The following ARMC12 variants were observed in gnomAD, a reference collection of about 807,000 sequenced individuals.
The protein encoded by ARMC12 is armadillo repeat-containing protein 12.
A neutral mutation model predicts 37.4 loss-of-function variants in ARMC12; 25 were observed. The ratio of observed to expected loss-of-function variants is 0.67; its 90% CI spans 0.49 to 0.93. The LOEUF (loss-of-function observed/expected upper bound fraction) is 0.93. Among genes scored for constraint, ARMC12 ranks in the 40% least tolerant of loss-of-function variants. The probability of loss-of-function intolerance (pLI) is 0.00; values close to 1 mark genes in which losing one functional copy is unlikely to be tolerated. For synonymous variants in ARMC12, 167 were observed against 176.1 expected, an observed-to-expected ratio of 0.95 and a Z score of 0.41; for missense variants, 384 against 426.6, an observed-to-expected ratio of 0.90 and a Z score of 0.88.
the ARMC12 span, among the ~76,000 whole-genome samples, chr6:35,731,962 G>T: frequency 1.3e-4 from 20 of 152,198 alleles, no homozygotes; most frequent in Non-Finnish European, 2.2e-4. Context: ...CGGCGGGAGT[G>T]GGGGAGGGGA....
chr6:35,744,877 A>T (rs1035086209), intron 3 of ARMC12, among the ~76,000 whole-genome samples: 2 of 152,250 alleles, frequency 1.3e-5, no homozygotes, highest in Admixed American at 1.3e-4. Context: ...ACCATGTTTA[A>T]TATCACCAGC....
chr6:35,737,434 C>A, intron 1 of ARMC12, 163 bp downstream of exon 1: 2 of 1,576,740 alleles, frequency 1.3e-6, no homozygotes, highest in Non-Finnish European at 1.7e-6. Context: ...CTAGGCAAGG[C>A]CCTGCCAGAG....
chr6:35,733,514 GGTTT>G (rs1452632952), upstream of ARMC12, among the ~76,000 whole-genome samples: 4 of 152,136 alleles, frequency 2.6e-5, no homozygotes, highest in Admixed American at 6.5e-5. Flanking sequence ...TGACTAAACT[GGTTT>G]GTTTGTTTTG....
intron 3 of ARMC12, among the ~76,000 whole-genome samples, chr6:35,743,894 G>A (rs2766544): frequency 0.52 from 77,498 of 149,438 alleles, 20,247 homozygotes; most frequent in African/African-American, 0.58. Context: ...GCATTGAACC[G>A]AGATCACCAC....
At chr6:35,735,307 C>T (rs1044921819), upstream of ARMC12, 1 of 152,398 alleles carries the variant, frequency 6.6e-6, no homozygotes, top group African/African-American at 2.4e-5. The surrounding 1 kb of genome is among the most constrained non-coding windows in gnomAD (Gnocchi z 4.0). Context: ...GGGGAGGCTT[C>T]CATGGGCTTC....
chr6:35,731,774 G>A, the ARMC12 span, among the ~76,000 whole-genome samples: 3 of 152,126 alleles, frequency 2.0e-5, no homozygotes, highest in Admixed American at 2.0e-4. Flanking sequence ...ACAGCTGCGG[G>A]CCACGAGATC....
intron 3 of ARMC12, among the ~76,000 whole-genome samples, chr6:35,746,476 T>C (rs1767340846): frequency 6.6e-6 from 1 of 151,976 alleles, no homozygotes. Flanking sequence ...CTGAATGAAA[T>C]GGGGGCTCTT....
intron 3 of ARMC12, among the ~76,000 whole-genome samples, chr6:35,741,545 G>C (rs890167456): frequency 1.3e-5 from 2 of 151,902 alleles, no homozygotes; most frequent in African/African-American, 4.8e-5. Context: ...TTCCAGAGTA[G>C]CTGGAATCAC....
upstream of ARMC12, among the ~76,000 whole-genome samples, chr6:35,732,286 G>T (rs527446474): frequency 6.6e-6 from 1 of 152,274 alleles, no homozygotes; most frequent in Admixed American, 6.5e-5. Flanking sequence ...GGCAGGGGCG[G>T]CCCCCAGCCT....
intron 3 of ARMC12, among the ~76,000 whole-genome samples, chr6:35,744,647 C>T (rs1010978534): frequency 6.6e-6 from 1 of 151,936 alleles, no homozygotes; most frequent in Non-Finnish European, 1.5e-5. Flanking sequence ...CCTAGCTACT[C>T]AGGGGACTGA....
chr6:35,748,426 G>A (rs530893372), intron 5 of ARMC12, 112 bp from the exon 6 acceptor site: 11 of 840,292 alleles, frequency 1.3e-5, no homozygotes, highest in Admixed American at 7.3e-5. Context: ...CTATATACTC[G>A]AGTCTGAAAT....
intron 5 of ARMC12, among the ~76,000 whole-genome samples, chr6:35,748,222 C>A (rs1484401021): frequency 6.6e-6 from 1 of 152,138 alleles, no homozygotes; most frequent in African/African-American, 2.4e-5. Context: ...TAGACATACT[C>A]AGAACAGTCT....
chr6:35,741,760 A>T (rs1767175272), intron 3 of ARMC12, among the ~76,000 whole-genome samples: 1 of 152,044 alleles, frequency 6.6e-6, no homozygotes, highest in South Asian at 2.1e-4. Context: ...TGGGGAAAAA[A>T]TTCTCTTTAC....
At chr6:35,738,357 C>G in intron 2 of ARMC12, 27 bp from the exon 3 acceptor site, 2 of 1,610,494 alleles carry the variant, frequency 1.2e-6, no homozygotes, top group South Asian at 1.1e-5. Flanking sequence ...CTTCTCCTGC[C>G]TCTTCCATCT....
intron 3 of ARMC12, among the ~76,000 whole-genome samples, chr6:35,742,590 G>A (rs572936999): frequency 2.6e-5 from 4 of 151,422 alleles, no homozygotes; most frequent in South Asian, 4.2e-4. Context: ...TGATGCAGGC[G>A]GCCTGAGTCC....
At position 35,748,790 on chromosome 6, in the gene ARMC12, A is replaced by T. The variant is rs1767419278; in HGVS notation, c.943A>T (p.Ser315Cys). 6.2e-7 allele frequency: 1 copy of T among 1,614,106 alleles called. No individual in the cohort carries two copies. Among genetic ancestry groups the T allele is most frequent in the African/African-American group, 1.3e-5 (1 of 74,946 alleles). ...GATCCAGGCCTGCAAGGTCATTGTC[A>T]GCCTGCAGTATCCCCAGGACTTGAG... The part of the protein sequence containing the change: ...VQIQACKVIV[S>C]LQYPQDLRAR... Residue 315 changes from serine (S) to cysteine (C), a missense_variant, in exon 6 of 6, where the codon AGC (serine) becomes TGC (cysteine). Transcript: ENST00000373866.
At chr6:35,747,171 C>T in intron 3 of ARMC12, 90 bp from the exon 4 acceptor site, 2 of 1,430,096 alleles carry the variant, frequency 1.4e-6, no homozygotes, top group Non-Finnish European at 1.9e-6. Context: ...GCCCAGGGGA[C>T]ATCCATGGGG....
chr6:35,741,174 C>A (rs1767156022), intron 3 of ARMC12, among the ~76,000 whole-genome samples: 1 of 152,018 alleles, frequency 6.6e-6, no homozygotes, highest in Non-Finnish European at 1.5e-5. Flanking sequence ...TGCCACTTGC[C>A]CGTTGTTAGG....
chr6:35,748,314 C>G (rs1767401646), intron 5 of ARMC12, among the ~76,000 whole-genome samples: 1 of 152,152 alleles, frequency 6.6e-6, no homozygotes, highest in African/African-American at 2.4e-5. Context: ...TAAAATTTGT[C>G]TCAACAAAAT....
Sources: gnomAD v4.1 joint callset for allele counts (sites outside exome capture counted in the v4.1 genomes callset) on GRCh38, gnomAD v4.1.1 for gene constraint, Gnocchi (gnomAD v3.1) non-coding constraint, MANE v1.5 for transcripts, NCBI Gene and HGNC (gene_info 2026-07-23, HGNC 2026-07-21) for gene names.